The following ITGB5 variants were observed in gnomAD, a reference collection of about 807,000 sequenced individuals.
ITGB5 encodes integrin subunit beta 5.
Under a neutral mutation model 84.8 loss-of-function variants are expected in ITGB5, and 38 were observed. The observed-to-expected ratio is 0.45, with a 90% CI of 0.35 to 0.59. ITGB5 has a LOEUF of 0.59. Ranked by LOEUF, ITGB5 falls within the 20% of genes least tolerant of loss-of-function variation. The pLI is 0.01. For synonymous variants in ITGB5, 393 were observed against 414.4 expected, an observed-to-expected ratio of 0.95 and a Z score of 0.63; for missense variants, 905 against 1,034.5, an observed-to-expected ratio of 0.87 and a Z score of 1.72.
intron 7 of ITGB5, among the ~76,000 whole-genome samples, chr3:124,818,919 G>A (rs1170284142): frequency 1.3e-5 from 2 of 152,156 alleles, no homozygotes; most frequent in Non-Finnish European, 2.9e-5. Context: ...TCTGGGGGTG[G>A]AGGGTGGAGA....
intron 10 of ITGB5, chr3:124,792,070 C>T (rs374175912): frequency 1.3e-5 from 2 of 152,220 alleles, no homozygotes; most frequent in East Asian, 3.8e-4. Flanking sequence ...ACTCCAGAAA[C>T]TATTTTCTCC....
chr3:124,777,425 C>T (rs1298774241), intron 10 of ITGB5, among the ~76,000 whole-genome samples: 1 of 152,230 alleles, frequency 6.6e-6, no homozygotes, highest in African/African-American at 2.4e-5. Flanking sequence ...CCAGCCAAAC[C>T]AGAAAATAAG....
chr3:124,856,815 A>G (rs1387085672), intron 3 of ITGB5, among the ~76,000 whole-genome samples: 1 of 152,158 alleles, frequency 6.6e-6, no homozygotes, highest in Non-Finnish European at 1.5e-5. Context: ...GTCTTCACAT[A>G]AGAGATTTCT....
At chr3:124,838,432 C>T (rs568148494) in intron 5 of ITGB5, among the ~76,000 whole-genome samples, 6 of 152,240 alleles carry the variant, frequency 3.9e-5, no homozygotes, top group African/African-American at 1.4e-4. Flanking sequence ...TAACCTGCTT[C>T]CCATGCCAAT....
intron 1 of ITGB5, among the ~76,000 whole-genome samples, chr3:124,895,513 A>G (rs1486069983): frequency 1.4e-4 from 22 of 152,236 alleles, no homozygotes; most frequent in Admixed American, 1.4e-3. Flanking sequence ...GGCATGAACC[A>G]TCATGCCTCT....
chr3:124,763,988 C>T (rs1289903169), intron 14 of ITGB5, among the ~76,000 whole-genome samples: 1 of 152,214 alleles, frequency 6.6e-6, no homozygotes, highest in East Asian at 1.9e-4. Flanking sequence ...GAAACCAAGC[C>T]CAGGTTCAGC....
chr3:124,817,556 CT>C (rs2064623982), intron 8 of ITGB5, 64 bp downstream of exon 8: 1 of 852,344 alleles, frequency 1.2e-6, no homozygotes, highest in Admixed American at 2.5e-5. Context: ...CCCGCGGCAG[CT>C]GCAGGGCCTC....
intron 8 of ITGB5, among the ~76,000 whole-genome samples, chr3:124,813,046 C>T (rs1212627573): frequency 6.6e-6 from 1 of 152,180 alleles, no homozygotes; most frequent in East Asian, 1.9e-4. Context: ...TGTGACTGGA[C>T]TCTGGCCGGA....
chr3:124,850,369 A>G (rs552483708), intron 3 of ITGB5, among the ~76,000 whole-genome samples: 59 of 152,162 alleles, frequency 3.9e-4, no homozygotes, highest in South Asian at 3.5e-3. Context: ...GCAGTGTTTT[A>G]TGAGCAGTAC....
chr3:124,880,362 A>G (rs1043804456), intron 1 of ITGB5, among the ~76,000 whole-genome samples: 4 of 152,280 alleles, frequency 2.6e-5, no homozygotes, highest in Admixed American at 6.5e-5. Context: ...TAAGATGTTA[A>G]TAATAGGCAA....
chr3:124,884,613 C>T (rs1445638957), intron 1 of ITGB5, among the ~76,000 whole-genome samples: 1 of 151,914 alleles, frequency 6.6e-6, no homozygotes. Flanking sequence ...TCACTTGAAC[C>T]TGAGAGGCAG....
rs371672539 is a variant in ITGB5, at chr3:124,863,392, A to G, written c.157-3946T>C. ...TGACCCGATAAGGAAAGAGTAAGCC[A>G]TAACTGATTTGTAGCTATAGGTTCT... On this transcript the variant is annotated intron_variant, in intron 2 of 14. Transcript: ENST00000296181. 17 of 152,406 alleles carry G rather than the reference A, an allele frequency of 1.1e-4. No homozygotes were observed. In the East Asian group the frequency reaches 3.3e-3, roughly 29 times the overall value. The allele number at this position is 152,406 out of a possible 1,614,324, so 9.4% of individuals were successfully genotyped here. A position where few individuals can be genotyped will look rare whatever the true frequency, so the allele number is the denominator to read the frequency against.
chr3:124,899,143 A>T (rs984529844), intron 1 of ITGB5, among the ~76,000 whole-genome samples: 5 of 152,112 alleles, frequency 3.3e-5, no homozygotes, highest in African/African-American at 1.2e-4. Context: ...AAGACCCCTT[A>T]CTCAGGGCTG....
chr3:124,780,560 G>A (rs1055925304), intron 10 of ITGB5: 1 of 152,478 alleles, frequency 6.6e-6, no homozygotes, highest in Non-Finnish European at 1.5e-5. Flanking sequence ...GAAGGCTGAA[G>A]AGGGAGGACT....
At chr3:124,854,479 T>C (rs1042688423) in intron 3 of ITGB5, among the ~76,000 whole-genome samples, 1 of 152,176 alleles carries the variant, frequency 6.6e-6, no homozygotes, top group Non-Finnish European at 1.5e-5. Context: ...CCTTGAAACA[T>C]GTTGCTAAGT....
At chr3:124,878,308 A>C (rs1934417154) in intron 1 of ITGB5, among the ~76,000 whole-genome samples, 1 of 152,210 alleles carries the variant, frequency 6.6e-6, no homozygotes, top group Non-Finnish European at 1.5e-5. Flanking sequence ...CACCAGCCTA[A>C]AAGCCCTTAC....
At chr3:124,843,265 T>G (rs750557583) in intron 4 of ITGB5, among the ~76,000 whole-genome samples, 9 of 152,182 alleles carry the variant, frequency 5.9e-5, no homozygotes, top group Non-Finnish European at 1.0e-4. Flanking sequence ...CAGAAGGAAG[T>G]AAGTCTATCC....
Position 124,861,495 on chromosome 3 carries a change from T to TATATAC in ITGB5, c.157-2050_157-2049insGTATAT, listed in dbSNP as rs750712591. Among the ~76,000 whole-genome samples the TATATAC allele has an allele frequency of 9.9e-4, 111 of 112,014 alleles. 1 individual carries two copies. The highest frequency in any genetic ancestry group is 4.0e-3 in the African/African-American group (107 of 26,556). The allele number at this position is 112,014 out of a possible 152,430, so 73.5% of individuals were successfully genotyped here. On this transcript the variant is annotated intron_variant, in intron 2 of 14. Transcript: ENST00000296181. Reference sequence around the variant, plus strand: ...ACAAAACAAAACATATATATATATATACACACACACACACACACACACACA... The same window carrying TATATAC: ...ACAAAACAAAACATATATATATATATATATACACACACACACACACACACACACACA...
intron 3 of ITGB5, among the ~76,000 whole-genome samples, chr3:124,851,515 GAT>G (rs2065153787): frequency 6.6e-6 from 1 of 151,946 alleles, no homozygotes; most frequent in South Asian, 2.1e-4. Context: ...AAGAAGGCAT[GAT>G]ATATAGGTCC....
Sources: allele counts gnomAD v4.1 joint callset (sites outside exome capture counted in the v4.1 genomes callset), GRCh38; gene constraint gnomAD v4.1.1; transcripts MANE v1.5; gene names NCBI Gene and HGNC (gene_info 2026-07-23, HGNC 2026-07-21).